The following PRCP variants were observed in gnomAD, a reference collection of about 807,000 sequenced individuals.
PRCP encodes the protein lysosomal Pro-X carboxypeptidase.
A neutral mutation model predicts 54.2 loss-of-function variants in PRCP; 46 were observed. The observed-to-expected ratio is 0.85, with a 90% CI of 0.67 to 1.09. The LOEUF is 1.09. PRCP is among the 50% of genes least tolerant of loss of function. The probability of loss-of-function intolerance (pLI) is 0.00; values close to 1 mark genes in which losing one functional copy is unlikely to be tolerated. For synonymous variants in PRCP, 240 were observed against 212.2 expected, an observed-to-expected ratio of 1.13 and a Z score of -1.14; for missense variants, 613 against 596.8, an observed-to-expected ratio of 1.03 and a Z score of -0.28.
intron 1 of PRCP, among the ~76,000 whole-genome samples, chr11:82,869,643 C>T (rs566466222): frequency 3.8e-4 from 58 of 152,130 alleles, no homozygotes; most frequent in Non-Finnish European, 7.5e-4. Flanking sequence ...TGGAATAAGG[C>T]CTGGCATGTA....
intron 1 of PRCP, among the ~76,000 whole-genome samples, chr11:82,887,054 C>G (rs1859877197): frequency 6.6e-6 from 1 of 152,204 alleles, no homozygotes; most frequent in South Asian, 2.1e-4. Flanking sequence ...TTTTCAGTTC[C>G]TCCAACACAG....
At chr11:82,872,959 G>A (rs1161198677) in intron 1 of PRCP, among the ~76,000 whole-genome samples, 1 of 152,052 alleles carries the variant, frequency 6.6e-6, no homozygotes, top group Non-Finnish European at 1.5e-5. Context: ...ACAAGAGAGA[G>A]AATGGTACTG....
chr11:82,877,975 C>T (rs190814838), intron 1 of PRCP, among the ~76,000 whole-genome samples: 33 of 152,334 alleles, frequency 2.2e-4, no homozygotes, highest in African/African-American at 7.7e-4. Context: ...TGCAAAGCCA[C>T]AGGGGTGGAG....
chr11:82,832,461 T>C (rs1434376525), intron 8 of PRCP, among the ~76,000 whole-genome samples: 1 of 152,234 alleles, frequency 6.6e-6, no homozygotes, highest in Non-Finnish European at 1.5e-5. Flanking sequence ...TCAGTGATGA[T>C]GAGCTTTTTT....
At chr11:82,830,835 A>T (rs1270480344) in intron 8 of PRCP, 7 of 151,858 alleles carry the variant, frequency 4.6e-5, no homozygotes, top group Non-Finnish European at 1.0e-4. Flanking sequence ...AGCCCAACCC[A>T]GATAGGAAAC....
chr11:82,878,262 C>CT (rs2121231523), intron 1 of PRCP, among the ~76,000 whole-genome samples: 1 of 152,222 alleles, frequency 6.6e-6, no homozygotes, highest in South Asian at 2.1e-4. Flanking sequence ...TCAGGTGAGA[C>CT]TTTGGACTGT....
intron 3 of PRCP, among the ~76,000 whole-genome samples, chr11:82,852,248 T>C (rs541083432): frequency 4.6e-5 from 7 of 152,184 alleles, no homozygotes; most frequent in African/African-American, 1.7e-4. Flanking sequence ...TTTATATTTA[T>C]AACACAACAT....
chr11:82,823,333 T>C lies in PRCP; in HGVS notation c.*1573A>G, dbSNP rs1858141990. ...AGTTGACAAAGAATAAAAACTAGTA[T>C]TGTTTTGGCCCTTAAATTCCCACCC... On this transcript the variant is annotated 3_prime_UTR_variant, in exon 9 of 9. Coordinates refer to ENST00000313010, the MANE Select transcript of PRCP (RefSeq NM_005040.4). Among the ~76,000 whole-genome samples, 1 of 152,220 alleles carries C rather than the reference T, an allele frequency of 6.6e-6. No homozygotes were observed. The highest frequency in any genetic ancestry group is 1.5e-5 in the Non-Finnish European group (1 of 68,036).
At chr11:82,867,012 G>A (rs189887696) in intron 1 of PRCP, among the ~76,000 whole-genome samples, 8 of 152,302 alleles carry the variant, frequency 5.3e-5, no homozygotes, top group African/African-American at 1.7e-4. Context: ...ATGAGCCACC[G>A]CGCCCGGCCA....
At chr11:82,875,776 A>C (rs1859588680) in intron 1 of PRCP, among the ~76,000 whole-genome samples, 1 of 152,102 alleles carries the variant, frequency 6.6e-6, no homozygotes, top group Admixed American at 6.5e-5. Context: ...AACCCAACTA[A>C]CCAGTGGTAC....
At chr11:82,849,891 C>T (rs1858903454) in intron 5 of PRCP, 23 bp downstream of exon 5, 3 of 1,412,664 alleles carry the variant, frequency 2.1e-6, no homozygotes, top group Non-Finnish European at 1.9e-6. Context: ...ACACACAATT[C>T]CATTCTCTTA....
At chr11:82,897,944 C>T (rs902128057) in intron 1 of PRCP, among the ~76,000 whole-genome samples, 2 of 152,022 alleles carry the variant, frequency 1.3e-5, no homozygotes, top group Admixed American at 1.3e-4. Flanking sequence ...AAAATTAAAC[C>T]TTGAATAAAA....
At chr11:82,877,978 G>A (rs748152585) in intron 1 of PRCP, among the ~76,000 whole-genome samples, 1 of 152,192 alleles carries the variant, frequency 6.6e-6, no homozygotes, top group Non-Finnish European at 1.5e-5. Context: ...AAAGCCACAG[G>A]GGTGGAGCTG....
chr11:82,868,976 C>T (rs945308939), intron 1 of PRCP, among the ~76,000 whole-genome samples: 3 of 152,040 alleles, frequency 2.0e-5, no homozygotes, highest in Non-Finnish European at 4.4e-5. Context: ...GCAGAGGTTG[C>T]GGTAAGCCAA....
At chr11:82,873,348 G>A (rs1413242702) in intron 1 of PRCP, among the ~76,000 whole-genome samples, 1 of 152,126 alleles carries the variant, frequency 6.6e-6, no homozygotes, top group Non-Finnish European at 1.5e-5. Flanking sequence ...CACCACTATA[G>A]CCCACTTATA....
intron 8 of PRCP, among the ~76,000 whole-genome samples, chr11:82,832,374 TGA>T (rs1267726794): frequency 1.3e-5 from 2 of 152,256 alleles, no homozygotes; most frequent in African/African-American, 4.8e-5. Context: ...TGTTGTTTCC[TGA>T]CTTTTTAATA....
rs1858138118 is a variant in PRCP, at chr11:82,823,212, T to C, written c.*1694A>G. 6.6e-6 allele frequency among the ~76,000 whole-genome samples: 1 copy of C among 152,116 alleles called. No individual in the cohort carries two copies. The highest frequency in any genetic ancestry group is 1.5e-5 in the Non-Finnish European group (1 of 68,016). ...CATCAAATAAAATGGCAAAGTATTT[T>C]AAAGATTCTACACAAGGGAAAAACC... On this transcript the variant is annotated 3_prime_UTR_variant, in exon 9 of 9. Transcript: ENST00000313010.
chr11:82,838,242 T>C (rs1858571316), intron 8 of PRCP, 145 bp downstream of exon 8: 1 of 699,468 alleles, frequency 1.4e-6, no homozygotes. Context: ...CAGCATCCTA[T>C]CTTTCAAGGC....
chr11:82,891,755 C>T lies in PRCP; in HGVS notation c.168+8480G>A, dbSNP rs376463828. Among the ~76,000 whole-genome samples the T allele has an allele frequency of 2.5e-4, 38 of 152,278 alleles. No homozygotes were observed. In the East Asian group the frequency reaches 4.8e-3, roughly 19 times the overall value. The stretch of plus-strand genomic sequence containing the variant: ...TGCCTAGAATGCTCTTTCCCCAGTG[C>T]CTCGAATATAGTAGGCACCTAATAA... On this transcript the variant is annotated intron_variant, in intron 1 of 8. Coordinates refer to ENST00000313010, the MANE Select transcript of PRCP (RefSeq NM_005040.4).
Sources: gnomAD v4.1 joint callset for allele counts (sites outside exome capture counted in the v4.1 genomes callset) on GRCh38, gnomAD v4.1.1 for gene constraint, MANE v1.5 for transcripts, NCBI Gene and HGNC (gene_info 2026-07-23, HGNC 2026-07-21) for gene names.